The following LMNA variants were observed in gnomAD, a reference collection of about 807,000 sequenced individuals.
LMNA encodes the protein lamin A/C.
Under a neutral mutation model 70.4 loss-of-function variants are expected in LMNA, and 20 were observed. The observed-to-expected ratio is 0.28, with a 90% CI of 0.20 to 0.41. LMNA has a LOEUF of 0.41. Ranked by LOEUF, LMNA falls within the 10% of genes least tolerant of loss-of-function variation. LMNA has a pLI of 1.00. For missense variants in LMNA, 652 were observed against 917.2 expected (o/e 0.71, Z 3.73); for synonymous variants, 339 against 372.8 (o/e 0.91, Z 1.04).
At chr1:156,084,774 T>C (rs2102783939) in intron 2 of LMNA, among the ~76,000 whole-genome samples, 1 of 152,352 alleles carries the variant, frequency 6.6e-6, no homozygotes. Context: ...TGGCTGAGCC[T>C]TCCTGTCCCC....
chr1:156,094,762 A>T (rs966710594), intron 3 of LMNA, among the ~76,000 whole-genome samples: 1 of 150,630 alleles, frequency 6.6e-6, no homozygotes, highest in Admixed American at 6.6e-5. Context: ...CTTAGCTCCT[A>T]GTGCTTTCTT....
In LMNA at chr1:156,135,732, T is replaced by C; in HGVS notation, c.937-169T>C. ...GGACTTCCCAGTTGCCAGCCAAGACTATGTTTAGAGCTTGTGATGTTCAGA... is the reference window on the plus strand; with the variant it reads ...GGACTTCCCAGTTGCCAGCCAAGACCATGTTTAGAGCTTGTGATGTTCAGA... On this transcript the variant is annotated intron_variant, in intron 5 of 11. Transcript: ENST00000368300. This position sits in a 1 kb window ranked among gnomAD's most constrained non-coding sequence, Gnocchi z 4.8. 1.6e-6 allele frequency: 1 copy of C among 636,232 alleles called. No homozygotes were observed. Among genetic ancestry groups the C allele is most frequent in the East Asian group, 2.7e-5 (1 of 36,574 alleles). 39.4% of individuals were successfully genotyped at this position (636,232 alleles called of 1,614,324 possible).
chr1:156,124,748 G>C (rs1378827621), intron 1 of LMNA, among the ~76,000 whole-genome samples: 1 of 152,136 alleles, frequency 6.6e-6, no homozygotes, highest in African/African-American at 2.4e-5. Flanking sequence ...GGGAGGTAGG[G>C]GCTATCAAAC....
chr1:156,114,627 C>G (rs1202485321), upstream of LMNA: 2 of 241,846 alleles, frequency 8.3e-6, no homozygotes, highest in Non-Finnish European at 7.9e-6. Context: ...CCCAATGGAT[C>G]TGGGACTGCC....
At chr1:156,132,400 G>A (rs1651153613) in intron 2 of LMNA, among the ~76,000 whole-genome samples, 1 of 151,958 alleles carries the variant, frequency 6.6e-6, no homozygotes, top group Admixed American at 6.6e-5. Flanking sequence ...AACCCGGGAG[G>A]TGGAGGTTGC....
At chr1:156,107,214 G>A (rs1264877193) in intron 3 of LMNA, among the ~76,000 whole-genome samples, 2 of 152,196 alleles carry the variant, frequency 1.3e-5, no homozygotes, top group African/African-American at 2.4e-5. Flanking sequence ...GGGGCAGGTG[G>A]GAGGGCTTGG....
chr1:156,116,922 G>GT (rs1380455681), intron 1 of LMNA, among the ~76,000 whole-genome samples: 3 of 149,520 alleles, frequency 2.0e-5, no homozygotes, highest in African/African-American at 7.4e-5. Flanking sequence ...AGGCTTAACG[G>GT]TTTTTTTTTG....
At position 156,135,487 on chromosome 1, in the gene LMNA, G is replaced by GTGCTGTTT; in HGVS notation, c.936+176_936+183dup. The GTGCTGTTT allele has an allele frequency of 2.4e-6, 2 of 816,460 alleles. No individual in the cohort carries two copies. The highest frequency in any genetic ancestry group is 3.1e-5 in the South Asian group (2 of 64,838). 50.6% of individuals were successfully genotyped at this position (816,460 alleles called of 1,614,324 possible). On this transcript the variant is annotated intron_variant, in intron 5 of 11. Transcript: ENST00000368300. This position sits in a 1 kb window ranked among gnomAD's most constrained non-coding sequence, Gnocchi z 4.8. ...CAGGATGTGGAGTCAGATGGCCTGT[G>GTGCTGTTT]TGCTGTTTCTGTACACTCTTACCTC...
Position 156,134,686 on chromosome 1 carries a change from A to G in LMNA, c.640-119A>G, listed in dbSNP as rs1322907258. On this transcript the variant is annotated intron_variant, in intron 3 of 11. Coordinates refer to ENST00000368300, the MANE Select transcript of LMNA (RefSeq NM_170707.4). This position sits in a 1 kb window ranked among gnomAD's most constrained non-coding sequence, Gnocchi z 5.3. ...TGGCCAGCACTCAGCTCCCAGGTTA[A>G]AGTGGGGCTGGTAGTGGCTCATGGA... 5.8e-6 allele frequency: 9 copies of G among 1,549,626 alleles called. No individual in the cohort carries two copies. Among genetic ancestry groups the G allele is most frequent in the Non-Finnish European group, 8.0e-6 (9 of 1,124,780 alleles).
chr1:156,123,952 C>T (rs1391445359), intron 1 of LMNA, among the ~76,000 whole-genome samples: 1 of 152,204 alleles, frequency 6.6e-6, no homozygotes, highest in Non-Finnish European at 1.5e-5. Flanking sequence ...ACCAGTTCTC[C>T]CCACTTCAGC....
chr1:156,133,394 A>T (rs1311969448), intron 2 of LMNA, among the ~76,000 whole-genome samples: 2 of 151,320 alleles, frequency 1.3e-5, no homozygotes, highest in African/African-American at 4.9e-5. Flanking sequence ...AACATGGTGA[A>T]ACCCTGTCTC....
In LMNA at chr1:156,136,394, T is replaced by A. The variant is rs505058; in HGVS notation, c.1338T>A (p.Asp446Glu). ...TSGRVAVEEVDEEGKFVRLRN... is the reference protein window; with the variant it reads ...TSGRVAVEEVEEEGKFVRLRN... ...GGCGCGTGGCCGTGGAGGAGGTGGA[T>A]GAGGAGGGCAAGTTTGTCCGGCTGC... is the stretch of plus-strand genomic sequence containing the variant. The change falls in exon 7 of 12, where the codon GAT (aspartate) becomes GAA (glutamate). Residue 446 changes from aspartate (D) to glutamate (E), a missense_variant. By Grantham distance (45) the Asp-to-Glu change is conservative. Transcript: ENST00000368300. This position sits in a 1 kb window ranked among gnomAD's most constrained non-coding sequence, Gnocchi z 6.1. 6.2e-7 allele frequency: 1 copy of A among 1,608,652 alleles called. No homozygotes were observed. The highest frequency in any genetic ancestry group is 8.5e-7 in the Non-Finnish European group (1 of 1,178,372).
intron 1 of LMNA, among the ~76,000 whole-genome samples, chr1:156,128,892 G>A (rs1650807011): frequency 6.6e-6 from 1 of 152,232 alleles, no homozygotes. Context: ...GTCAGCCCAA[G>A]GAGCTCGGAA....
chr1:156,090,632 C>CCA (rs1648660535), intron 3 of LMNA: 1 of 152,358 alleles, frequency 6.6e-6, no homozygotes, highest in South Asian at 2.1e-4. Context: ...ACCCCAGAGC[C>CCA]TGGGACCCCA....
chr1:156,101,623 GAC>G (rs1558110210), intron 3 of LMNA, among the ~76,000 whole-genome samples: 1 of 124,834 alleles, frequency 8.0e-6, no homozygotes, highest in African/African-American at 3.1e-5. Flanking sequence ...AGGAAGGAAG[GAC>G]GGAAGGAAGG....
chr1:156,126,784 G>C (rs756101473), intron 1 of LMNA: 2 of 1,601,114 alleles, frequency 1.2e-6, no homozygotes, highest in Admixed American at 3.4e-5. Flanking sequence ...AGCCCTTCTC[G>C]CCTCAAGAGG....
At chr1:156,104,506 G>T (rs1322588688) in intron 3 of LMNA, among the ~76,000 whole-genome samples, 1 of 151,930 alleles carries the variant, frequency 6.6e-6, no homozygotes, top group Non-Finnish European at 1.5e-5. Flanking sequence ...CTCCCTCATG[G>T]TTGATTTCCT....
chr1:156,086,603 T>C lies in LMNA; in HGVS notation c.-319+3419T>C, dbSNP rs1356775109. ...GAGGAGTGGGGTGGATGATCCAGAC[T>C]GTGTGCTTGTCTGTGTCTGGAGTTG... On this transcript the variant is annotated intron_variant, in intron 2 of 12. Transcript: ENST00000368301. Among the ~76,000 whole-genome samples the C allele has an allele frequency of 2.0e-5, 3 of 152,194 alleles. No individual in the cohort carries two copies. In the East Asian group the frequency reaches 5.8e-4, roughly 29 times the overall value.
At chr1:156,118,638 C>T (rs938975916) in intron 1 of LMNA, among the ~76,000 whole-genome samples, 5 of 152,174 alleles carry the variant, frequency 3.3e-5, no homozygotes, top group Non-Finnish European at 1.5e-5. Context: ...GGATTGGTTA[C>T]TCCCTGCTGG....
Sources: gnomAD v4.1 joint callset for allele counts (sites outside exome capture counted in the v4.1 genomes callset) on GRCh38, gnomAD v4.1.1 for gene constraint, Gnocchi (gnomAD v3.1) non-coding constraint, MANE v1.5 for transcripts, NCBI Gene and HGNC (gene_info 2026-07-23, HGNC 2026-07-21) for gene names.